ACVR2B: variants seen among roughly 807,000 people sequenced by gnomAD.
ACVR2B encodes activin A receptor type 2B.
Under a neutral mutation model 65.1 loss-of-function variants are expected in ACVR2B, and 18 were observed. The observed-to-expected ratio is 0.28, with a 90% confidence interval of 0.19 to 0.41. The LOEUF is 0.41. Ranked by LOEUF, ACVR2B falls within the 10% of genes least tolerant of loss-of-function variation. The probability of loss-of-function intolerance (pLI) is 1.00; values close to 1 mark genes in which losing one functional copy is unlikely to be tolerated. For missense variants in ACVR2B, 482 were observed against 682.7 expected (o/e 0.71, Z 3.28); for synonymous variants, 298 against 277.7 (o/e 1.07, Z -0.73).
In ACVR2B at chr3:38,488,533, T is replaced by C. The variant is rs757237546; in HGVS notation, c.*5201T>C. The C allele has an allele frequency of 5.9e-5, 9 of 152,230 alleles. No homozygotes were observed. The highest frequency in any genetic ancestry group is 1.2e-4 in the Non-Finnish European group (8 of 68,040). The allele number at this position is 152,230 out of a possible 1,614,324, so 9.4% of individuals were successfully genotyped here. ...ATCTAGTGGGACATTTTGAATGTTT[T>C]ATGTTTATTTTGGGTCCACTGTAAA... On this transcript the variant is annotated 3_prime_UTR_variant, in exon 11 of 11. Transcript: ENST00000352511.
At chr3:38,471,501 G>GCA (rs943355616) in intron 1 of ACVR2B, among the ~76,000 whole-genome samples, 76 of 152,148 alleles carry the variant, frequency 5.0e-4, no homozygotes, top group African/African-American at 1.7e-3. Flanking sequence ...ACACATGAGT[G>GCA]CACACACACA....
chr3:38,462,819 G>T (rs2125714179), intron 1 of ACVR2B, among the ~76,000 whole-genome samples: 1 of 152,272 alleles, frequency 6.6e-6, no homozygotes, highest in African/African-American at 2.4e-5. Flanking sequence ...AAGCACGTAT[G>T]TTATTGGTTT....
Position 38,489,818 on chromosome 3 carries a change from T to A in ACVR2B, c.*6486T>A, listed in dbSNP as rs1710182408. On this transcript the variant is annotated 3_prime_UTR_variant, in exon 11 of 11. Transcript: ENST00000352511. Reference sequence around the variant, plus strand: ...ATCCACCAGACTGAATTATCTAAGATCACATTATCCAGGTTGGGGGGCAGA... The same window carrying A: ...ATCCACCAGACTGAATTATCTAAGAACACATTATCCAGGTTGGGGGGCAGA... The A allele has an allele frequency of 6.6e-6, 1 of 152,172 alleles. No homozygotes were observed. Among genetic ancestry groups the A allele is most frequent in the African/African-American group, 2.4e-5 (1 of 41,440 alleles). 9.4% of individuals were successfully genotyped at this position (152,172 alleles called of 1,614,324 possible). A position where few individuals can be genotyped will look rare whatever the true frequency, so the allele number is the denominator to read the frequency against.
intron 1 of ACVR2B, among the ~76,000 whole-genome samples, chr3:38,471,266 C>T (rs576346951): frequency 2.6e-5 from 4 of 152,214 alleles, no homozygotes; most frequent in South Asian, 2.1e-4. Context: ...TACAAACAAA[C>T]AGTTCTCAGA....
At chr3:38,474,499 A>G (rs1709873370) in intron 1 of ACVR2B, 1 of 152,138 alleles carries the variant, frequency 6.6e-6, no homozygotes, top group Non-Finnish European at 1.5e-5. Flanking sequence ...CTGTCCACCC[A>G]TCCATCTATG....
chr3:38,465,969 A>G (rs963124156), intron 1 of ACVR2B, among the ~76,000 whole-genome samples: 1 of 152,260 alleles, frequency 6.6e-6, no homozygotes, highest in Non-Finnish European at 1.5e-5. Context: ...TAACTTCTCA[A>G]TAGAAACAGT....
chr3:38,478,954 A>T (rs977088223), intron 5 of ACVR2B, among the ~76,000 whole-genome samples, 174 bp from the exon 6 acceptor site: 2 of 143,214 alleles, frequency 1.4e-5, no homozygotes, highest in African/African-American at 5.3e-5. Context: ...AGCTTAATAC[A>T]GGTCTTCTCC....
At position 38,491,421 on chromosome 3, in the gene ACVR2B, T is replaced by C. The variant is rs1287818940; in HGVS notation, c.*8089T>C. Reference sequence around the variant, plus strand: ...AGGGTCCCAAGTCAGTCATCTTAAGTGTTTGTTCTCTGCCCCATTCAGTGG... The same window carrying C: ...AGGGTCCCAAGTCAGTCATCTTAAGCGTTTGTTCTCTGCCCCATTCAGTGG... On this transcript the variant is annotated 3_prime_UTR_variant, in exon 11 of 11. Transcript: ENST00000352511. 1.3e-5 allele frequency: 2 copies of C among 152,668 alleles called. No individual in the cohort carries two copies. The allele number at this position is 152,668 out of a possible 1,614,324, so 9.5% of individuals were successfully genotyped here.
intron 5 of ACVR2B, 26 bp downstream of exon 5, chr3:38,478,544 G>C: frequency 6.2e-7 from 1 of 1,613,958 alleles, no homozygotes; most frequent in Non-Finnish European, 8.5e-7. Flanking sequence ...GCTCCATCCA[G>C]GTCCTCTGCC....
chr3:38,489,158 T>G lies in ACVR2B; in HGVS notation c.*5826T>G, dbSNP rs1710171002. ...GTGTGGGCTCATTCCCTGACTCTCC[T>G]AATCATGTTTGCGTCAGAATGTTAG... On this transcript the variant is annotated 3_prime_UTR_variant, in exon 11 of 11. Transcript: ENST00000352511. 1 of 152,612 alleles carries G rather than the reference T, an allele frequency of 6.6e-6. No homozygotes were observed. The highest frequency in any genetic ancestry group is 1.5e-5 in the Non-Finnish European group (1 of 68,042). 9.5% of individuals were successfully genotyped at this position (152,612 alleles called of 1,614,324 possible). A position where few individuals can be genotyped will look rare whatever the true frequency, so the allele number is the denominator to read the frequency against.
chr3:38,454,858 C>T (rs1052621113), intron 1 of ACVR2B: 1 of 152,716 alleles, frequency 6.5e-6, no homozygotes, highest in African/African-American at 2.4e-5. Flanking sequence ...CCAAAGTCCC[C>T]TGCATCTCTT....
chr3:38,470,988 T>A (rs1017701297), intron 1 of ACVR2B, among the ~76,000 whole-genome samples: 1 of 152,154 alleles, frequency 6.6e-6, no homozygotes, highest in Non-Finnish European at 1.5e-5. Context: ...GACCGAACTC[T>A]AATTAAAAGA....
Position 38,483,394 on chromosome 3 carries a change from T to G in ACVR2B, c.*62T>G. The G allele has an allele frequency of 3.2e-6, 5 of 1,581,238 alleles. No homozygotes were observed. The highest frequency in any genetic ancestry group is 4.3e-6 in the Non-Finnish European group (5 of 1,152,036). On this transcript the variant is annotated 3_prime_UTR_variant, in exon 11 of 11. Transcript: ENST00000352511. The surrounding 1 kb of genome is among the most constrained non-coding windows in gnomAD (Gnocchi z 4.8). ...CTGAAGAAAAAAGGAAAAAAAGTTG[T>G]GTTTTGTTTTGGAAATCCCATAAAA...
intron 1 of ACVR2B, among the ~76,000 whole-genome samples, chr3:38,466,545 C>T (rs1709731699): frequency 6.7e-6 from 1 of 150,194 alleles, no homozygotes; most frequent in Admixed American, 6.7e-5. Flanking sequence ...GCTCTATCAC[C>T]CAGGCTGGAG....
At chr3:38,458,747 A>G (rs1168099325) in intron 1 of ACVR2B, among the ~76,000 whole-genome samples, 1 of 152,130 alleles carries the variant, frequency 6.6e-6, no homozygotes, top group Non-Finnish European at 1.5e-5. Context: ...AGGGTTGAGG[A>G]CTGGGTCTGG....
At chr3:38,473,833 C>G (rs1397272112) in intron 1 of ACVR2B, 1 of 152,314 alleles carries the variant, frequency 6.6e-6, no homozygotes, top group East Asian at 1.9e-4. Flanking sequence ...CCGCTCACGG[C>G]TGCCATTTTT....
chr3:38,470,849 C>T (rs1388557713), intron 1 of ACVR2B, among the ~76,000 whole-genome samples: 6 of 152,098 alleles, frequency 3.9e-5, no homozygotes, highest in Non-Finnish European at 7.4e-5. Flanking sequence ...AGATGTATAA[C>T]TTTAAAAGTG....
chr3:38,477,546 G>A lies in ACVR2B; in HGVS notation c.260+52G>A. On this transcript the variant is annotated intron_variant, in intron 2 of 10. Coordinates refer to ENST00000352511, the MANE Select transcript of ACVR2B (RefSeq NM_001106.4). This position sits in a 1 kb window ranked among gnomAD's most constrained non-coding sequence, Gnocchi z 6.7. ...TCTTGGACCCACCTGCGCTTATACTGCCCACTGGGCCATTTGGGTCTCAGG... is the reference window on the plus strand; with the variant it reads ...TCTTGGACCCACCTGCGCTTATACTACCCACTGGGCCATTTGGGTCTCAGG... 6.3e-7 allele frequency: 1 copy of A among 1,577,148 alleles called. No individual in the cohort carries two copies. The highest frequency in any genetic ancestry group is 8.6e-7 in the Non-Finnish European group (1 of 1,157,474).
rs1709492948 is a variant in ACVR2B at position 38,453,933 on chromosome 3, G to C, written c.-390G>C. The C allele has an allele frequency of 6.7e-6, 1 of 149,262 alleles. No homozygotes were observed. Among genetic ancestry groups the C allele is most frequent in the African/African-American group, 2.5e-5 (1 of 40,664 alleles). 9.2% of individuals were successfully genotyped at this position (149,262 alleles called of 1,614,324 possible). ...CCGCTCAGGAGCCATTTTGGACTCG[G>C]TTCAGCTCCCCTCCCCCCCACCCCT... On this transcript the variant is annotated 5_prime_UTR_variant, in exon 1 of 11. Coordinates refer to ENST00000352511, the MANE Select transcript of ACVR2B (RefSeq NM_001106.4).
Sources: allele counts gnomAD v4.1 joint callset (sites outside exome capture counted in the v4.1 genomes callset), GRCh38; gene constraint gnomAD v4.1.1; non-coding constraint Gnocchi (gnomAD v3.1); transcripts MANE v1.5; gene names NCBI Gene and HGNC (gene_info 2026-07-23, HGNC 2026-07-21).